RNGTT: variants seen among roughly 807,000 people sequenced by gnomAD.
The protein encoded by RNGTT is RNA guanylyltransferase and 5'-phosphatase, also known as mRNA-capping enzyme.
RNGTT carries 33 observed loss-of-function variants against 79.3 expected under a neutral mutation model. The observed-to-expected ratio is 0.42, with a 90% CI of 0.32 to 0.56. The LOEUF is 0.56. Ranked by LOEUF, RNGTT falls within the 20% of genes least tolerant of loss-of-function variation. The pLI is 0.17. For missense variants in RNGTT, 497 were observed against 739.1 expected (o/e 0.67, Z 3.80); for synonymous variants, 222 against 235.9 (o/e 0.94, Z 0.54).
Position 88,963,406 on chromosome 6 carries a change from C to A in RNGTT, c.4G>T (p.Ala2Ser). ...CACCGCGGCGGGATCTTGTTGTGAG[C>A]CATGTCTTGGGGCTGCGCAGAGCTG... M[A>S]HNKIPPRWLN... Residue 2 changes from alanine to serine, a missense_variant, in exon 1 of 16, where the codon GCT (alanine) becomes TCT (serine). Ala to Ser is a moderately conservative substitution (Grantham distance 99). Transcript: ENST00000369485. 6.2e-7 allele frequency: 1 copy of A among 1,604,772 alleles called. No individual in the cohort carries two copies. The highest frequency in any genetic ancestry group is 1.1e-5 in the South Asian group (1 of 90,606).
intron 11 of RNGTT, among the ~76,000 whole-genome samples, chr6:88,844,022 C>T (rs1238404159): frequency 1.3e-5 from 2 of 151,536 alleles, no homozygotes; most frequent in Non-Finnish European, 2.9e-5. Context: ...ACTTTACCTT[C>T]AGGATGTGTA....
In RNGTT at chr6:88,837,659, C is replaced by T. The variant is rs982635830; in HGVS notation, c.1269+6698G>A. ...TCCCAGGAATGAGAGAATGATTCAACATCAGGAAATATTTTCATATAATTC... is the reference window on the plus strand; with the variant it reads ...TCCCAGGAATGAGAGAATGATTCAATATCAGGAAATATTTTCATATAATTC... On this transcript the variant is annotated intron_variant, in intron 11 of 15. Transcript: ENST00000369485. 5.9e-5 allele frequency among the ~76,000 whole-genome samples: 9 copies of T among 151,682 alleles called. No homozygotes were observed. In the East Asian group the frequency reaches 1.7e-3, roughly 29 times the overall value.
At chr6:88,878,395 C>T (rs1181180346) in intron 8 of RNGTT, among the ~76,000 whole-genome samples, 1 of 151,992 alleles carries the variant, frequency 6.6e-6, no homozygotes, top group Non-Finnish European at 1.5e-5. Flanking sequence ...CCACGCCCAG[C>T]CAAAACCTAA....
At chr6:88,827,042 T>G (rs1212552331) in intron 11 of RNGTT, among the ~76,000 whole-genome samples, 1 of 151,840 alleles carries the variant, frequency 6.6e-6, no homozygotes, top group African/African-American at 2.4e-5. Flanking sequence ...AATGCCAAAG[T>G]AGTGGCTCAC....
chr6:88,613,465 T>A (rs887556199), intron 15 of RNGTT, among the ~76,000 whole-genome samples: 2 of 152,248 alleles, frequency 1.3e-5, no homozygotes, highest in African/African-American at 4.8e-5. Flanking sequence ...TTAACTCATC[T>A]TGTCTGAACA....
At chr6:88,802,005 G>T (rs1489512960) in intron 11 of RNGTT, among the ~76,000 whole-genome samples, 4 of 152,016 alleles carry the variant, frequency 2.6e-5, no homozygotes, top group Non-Finnish European at 4.4e-5. Context: ...CAAAAACAAA[G>T]TGAAAGTAGA....
intron 13 of RNGTT, among the ~76,000 whole-genome samples, chr6:88,688,039 G>A (rs528137528): frequency 2.0e-5 from 3 of 152,234 alleles, no homozygotes; most frequent in Non-Finnish European, 2.9e-5. Flanking sequence ...GGATGGGGAC[G>A]AAAAGGAGCT....
chr6:88,895,627 CTTCA>C (rs1783219396), intron 6 of RNGTT, among the ~76,000 whole-genome samples: 1 of 152,078 alleles, frequency 6.6e-6, no homozygotes, highest in Non-Finnish European at 1.5e-5. Context: ...CCAAAAATAC[CTTCA>C]TTATGTCAAG....
At chr6:88,658,580 T>C (rs1774067688) in intron 14 of RNGTT, among the ~76,000 whole-genome samples, 1 of 152,188 alleles carries the variant, frequency 6.6e-6, no homozygotes, top group Non-Finnish European at 1.5e-5. Context: ...TCAACTTGAT[T>C]GGATTGAAGG....
chr6:88,631,249 G>A (rs1772872154), intron 14 of RNGTT, among the ~76,000 whole-genome samples: 1 of 152,178 alleles, frequency 6.6e-6, no homozygotes, highest in African/African-American at 2.4e-5. Flanking sequence ...GCTACATACA[G>A]CTCAGTTTAA....
intron 6 of RNGTT, among the ~76,000 whole-genome samples, chr6:88,900,322 A>T (rs937449997): frequency 1.3e-5 from 2 of 152,314 alleles, no homozygotes; most frequent in South Asian, 2.1e-4. Flanking sequence ...ATCATTTTTT[A>T]AAAAATCAAA....
chr6:88,862,331 C>T (rs1390614142), intron 8 of RNGTT, among the ~76,000 whole-genome samples: 1 of 152,116 alleles, frequency 6.6e-6, no homozygotes, highest in African/African-American at 2.4e-5. Context: ...CAATGGTTTA[C>T]TCCCTCACGC....
At position 88,617,963 on chromosome 6, in the gene RNGTT, T is replaced by C. The variant is rs563334522; in HGVS notation, c.1507-3568A>G. 7.2e-5 allele frequency among the ~76,000 whole-genome samples: 11 copies of C among 152,322 alleles called. No homozygotes were observed. In the South Asian group the frequency reaches 2.3e-3, roughly 32 times the overall value. On this transcript the variant is annotated intron_variant, in intron 14 of 15. Coordinates refer to ENST00000369485, the MANE Select transcript of RNGTT (RefSeq NM_003800.5). ...CAGCTGTCAAGAAAATTTTATCATA[T>C]GTACTTTACAAGAATGGCTTGCTAG...
At chr6:88,795,570 A>C (rs1289432057) in intron 12 of RNGTT, among the ~76,000 whole-genome samples, 1 of 152,134 alleles carries the variant, frequency 6.6e-6, no homozygotes, top group Non-Finnish European at 1.5e-5. Context: ...GCATTAGGAG[A>C]AATACTGAAT....
chr6:88,763,922 A>C (rs1030654484), intron 13 of RNGTT, among the ~76,000 whole-genome samples: 1 of 152,202 alleles, frequency 6.6e-6, no homozygotes, highest in African/African-American at 2.4e-5. Flanking sequence ...ACCATTTTTA[A>C]GTTGAAATCA....
chr6:88,730,010 G>A lies in RNGTT; in HGVS notation c.1439+39764C>T, dbSNP rs542006368. ...GGTTGGTGCAGAGGCTCATAAAAAT[G>A]GCACTTACTAAAACCTTCCTTAACT... On this transcript the variant is annotated intron_variant, in intron 13 of 15. Coordinates refer to ENST00000369485, the MANE Select transcript of RNGTT (RefSeq NM_003800.5). 7.9e-5 allele frequency among the ~76,000 whole-genome samples: 12 copies of A among 152,192 alleles called. No individual in the cohort carries two copies. The East Asian group carries it at 2.3e-3, about 29-fold the overall frequency.
At chr6:88,627,074 C>G (rs1051969563) in intron 14 of RNGTT, among the ~76,000 whole-genome samples, 2 of 152,044 alleles carry the variant, frequency 1.3e-5, no homozygotes, top group African/African-American at 4.8e-5. Flanking sequence ...ATGCAATATG[C>G]ATGTCTAACA....
At chr6:88,923,593 G>A (rs2076460578) in intron 4 of RNGTT, among the ~76,000 whole-genome samples, 1 of 152,110 alleles carries the variant, frequency 6.6e-6, no homozygotes, top group South Asian at 2.1e-4. Context: ...TCTCTGTGCA[G>A]CAGGGTATGC....
intron 12 of RNGTT, among the ~76,000 whole-genome samples, chr6:88,774,226 T>C (rs1231292559): frequency 6.6e-6 from 1 of 152,108 alleles, no homozygotes; most frequent in Non-Finnish European, 1.5e-5. Context: ...ATGTTCACTA[T>C]CATTAATCAT....
Sources: allele counts gnomAD v4.1 joint callset (sites outside exome capture counted in the v4.1 genomes callset), GRCh38; gene constraint gnomAD v4.1.1; transcripts MANE v1.5; gene names NCBI Gene and HGNC (gene_info 2026-07-23, HGNC 2026-07-21).